UPRT: variants seen among roughly 807,000 people sequenced by gnomAD.
The protein encoded by UPRT is uracil phosphoribosyltransferase homolog.
Under a neutral mutation model 22.6 loss-of-function variants are expected in UPRT, and 5 were observed. The ratio of observed to expected loss-of-function variants is 0.22; its 90% CI spans 0.12 to 0.47. UPRT has a LOEUF of 0.47. UPRT is among the 20% of genes least tolerant of loss of function. UPRT has a pLI of 0.99. For synonymous variants in UPRT, 77 were observed against 87.7 expected (o/e 0.88, Z 0.68); for missense variants, 181 against 239.9 (o/e 0.75, Z 1.62).
At chrX:75,230,251 C>T (rs146996781) in intron 4 of UPRT, among the ~76,000 whole-genome samples, 1 of 111,395 alleles carries the variant, frequency 9.0e-6, no homozygotes, top group East Asian at 2.9e-4. Flanking sequence ...TCAAAGTGGC[C>T]AGAGCAAGCT....
At chrX:75,198,650 T>G in intron 4 of UPRT, among the ~76,000 whole-genome samples, 1 of 112,025 alleles carries the variant, frequency 8.9e-6, no homozygotes, top group Admixed American at 9.5e-5. Context: ...ATTGATAAAC[T>G]AGAAGATAAA....
At chrX:75,228,207 A>T (rs1295249178) in intron 4 of UPRT, among the ~76,000 whole-genome samples, 1 of 111,953 alleles carries the variant, frequency 8.9e-6, no homozygotes, top group African/African-American at 3.2e-5. Context: ...CCCTTCAAAG[A>T]TGTTTCAAAT....
intron 4 of UPRT, among the ~76,000 whole-genome samples, chrX:75,237,165 A>C (rs192412052): frequency 1.8e-5 from 2 of 112,661 alleles, no homozygotes; most frequent in Non-Finnish European, 3.7e-5. Context: ...TCTCAAAAGA[A>C]GACATTTATG....
At chrX:75,247,134 A>C (rs1297314998) in intron 4 of UPRT, among the ~76,000 whole-genome samples, 1 of 111,250 alleles carries the variant, frequency 9.0e-6, no homozygotes, top group Admixed American at 9.6e-5. Context: ...AAGAAAAAAA[A>C]CAGAGCTCCC....
At position 75,185,657 on chromosome X, in the gene UPRT, C is replaced by CT. The variant is rs775132804; in HGVS notation, c.-447+17784dup. On this transcript the variant is annotated intron_variant, in intron 4 of 13. Coordinates refer to the UPRT transcript ENST00000652605. ...CTGTGAATCCATCTGGTCCTGGACT[C>CT]TTTTTTGTTGGTAAGCTATTAATTA... 3.4e-3 allele frequency among the ~76,000 whole-genome samples: 375 copies of CT among 111,743 alleles called. 2 individuals carry two copies. Among genetic ancestry groups the CT allele is most frequent in the African/African-American group, 0.012 (357 of 30,803 alleles).
At position 75,187,777 on chromosome X, in the gene UPRT, C is replaced by A. The variant is rs191434044; in HGVS notation, c.-447+19898C>A. On this transcript the variant is annotated intron_variant, in intron 4 of 13. Coordinates refer to the UPRT transcript ENST00000652605. ...TCTTGCTTCATTTCATTCATTTCAT[C>A]TTCCATTGCTGATACCCTTTCTTCC... Among the ~76,000 whole-genome samples the A allele has an allele frequency of 4.7e-3, 531 of 111,935 alleles. 3 individuals carry two copies. The highest frequency in any genetic ancestry group is 7.3e-3 in the Non-Finnish European group (390 of 53,204).
At chrX:75,286,412 A>G (rs1353082078) in intron 1 of UPRT, among the ~76,000 whole-genome samples, 1 of 111,207 alleles carries the variant, frequency 9.0e-6, no homozygotes, top group Non-Finnish European at 1.9e-5. Flanking sequence ...CAAACTTTGT[A>G]TATAATCCTC....
rs371107040 is a variant in UPRT, at chrX:75,166,176, C to A, written c.-520-1630C>A. 2.4e-4 allele frequency among the ~76,000 whole-genome samples: 27 copies of A among 111,301 alleles called. No homozygotes were observed. The East Asian group carries it at 3.4e-3, about 14-fold the overall frequency. ...GTAAGGGGCTTGTTATCATTTTATTCCTCTTTTGTACTCATTGTATATGAT... is the reference window on the plus strand; with the variant it reads ...GTAAGGGGCTTGTTATCATTTTATTACTCTTTTGTACTCATTGTATATGAT... On this transcript the variant is annotated intron_variant, in intron 3 of 13. Coordinates refer to the UPRT transcript ENST00000652605.
intron 4 of UPRT, among the ~76,000 whole-genome samples, chrX:75,252,215 A>T (rs149428493): frequency 0.021 from 2,337 of 112,311 alleles, 38 homozygotes; most frequent in South Asian, 0.13. Context: ...GACAAATGGG[A>T]TCTAATTCAA....
chrX:75,270,831 C>T (rs2082606012), upstream of UPRT, among the ~76,000 whole-genome samples: 1 of 110,943 alleles, frequency 9.0e-6, no homozygotes, highest in African/African-American at 3.3e-5. Context: ...GTGCAGAAAA[C>T]CTCCATGGCA....
chrX:75,236,280 T>C (rs1468312175), intron 4 of UPRT, among the ~76,000 whole-genome samples: 2 of 111,140 alleles, frequency 1.8e-5, no homozygotes, highest in Admixed American at 1.9e-4. Flanking sequence ...TACAAACCAC[T>C]GCTCAAGGAA....
At chrX:75,186,778 G>A (rs2147614581) in intron 4 of UPRT, among the ~76,000 whole-genome samples, 1 of 111,749 alleles carries the variant, frequency 8.9e-6, no homozygotes, top group African/African-American at 3.3e-5. Context: ...ATTATGTAAT[G>A]GCCTTCTTTG....
chrX:75,173,127 A>G (rs762369172), intron 4 of UPRT, among the ~76,000 whole-genome samples: 1 of 111,988 alleles, frequency 8.9e-6, no homozygotes, highest in East Asian at 2.8e-4. Context: ...CAGAGTTTCG[A>G]CACACAGGTT....
intron 4 of UPRT, among the ~76,000 whole-genome samples, chrX:75,202,074 G>T (rs2105337): frequency 0.024 from 2,627 of 111,677 alleles, 33 homozygotes; most frequent in South Asian, 0.066. Flanking sequence ...GGAAGACCAT[G>T]GGAAAATCAA....
At chrX:75,236,783 T>C (rs1371184068) in intron 4 of UPRT, among the ~76,000 whole-genome samples, 1 of 112,307 alleles carries the variant, frequency 8.9e-6, no homozygotes, top group Non-Finnish European at 1.9e-5. Context: ...CCTTACACCT[T>C]ATACAAAAAT....
At chrX:75,200,796 T>A (rs2082345309) in intron 4 of UPRT, among the ~76,000 whole-genome samples, 1 of 110,661 alleles carries the variant, frequency 9.0e-6, no homozygotes, top group South Asian at 3.9e-4. Context: ...AACAAAAAAA[T>A]TAGCCAGATG....
intron 4 of UPRT, among the ~76,000 whole-genome samples, chrX:75,228,518 C>T (rs1213484302): frequency 8.9e-6 from 1 of 112,060 alleles, no homozygotes; most frequent in Non-Finnish European, 1.9e-5. Flanking sequence ...TCCTTCCTTG[C>T]CTTACTCTTT....
upstream of UPRT, among the ~76,000 whole-genome samples, chrX:75,272,307 TATGTGTATATATAC>T (rs1327398553): frequency 6.6e-5 from 1 of 15,051 alleles, no homozygotes; most frequent in African/African-American, 8.1e-5. Flanking sequence ...TGTGTATATA[TATGTGTATATATAC>T]ATATATATGT....
intron 4 of UPRT, among the ~76,000 whole-genome samples, chrX:75,203,213 A>G (rs1427919077): frequency 1.8e-5 from 2 of 111,618 alleles, no homozygotes; most frequent in Non-Finnish European, 3.8e-5. Context: ...GCCTTACATA[A>G]TGGTAAAGGA....
Sources: allele counts gnomAD v4.1 joint callset (sites outside exome capture counted in the v4.1 genomes callset), GRCh38; gene constraint gnomAD v4.1.1; transcripts MANE v1.5; gene names NCBI Gene and HGNC (gene_info 2026-07-23, HGNC 2026-07-21).